The following PRPF6 variants were observed in gnomAD, a reference collection of about 807,000 sequenced individuals.
PRPF6 encodes pre-mRNA processing factor 6.
Under a neutral mutation model 118.3 loss-of-function variants are expected in PRPF6, and 42 were observed. The observed-to-expected ratio is 0.35, with a 90% CI of 0.28 to 0.46. The LOEUF (loss-of-function observed/expected upper bound fraction) is 0.46, where lower values mean the gene tolerates loss of function less well. Among genes scored for constraint, PRPF6 ranks in the 20% least tolerant of loss-of-function variants. The probability of loss-of-function intolerance (pLI) is 1.00; values close to 1 mark genes in which losing one functional copy is unlikely to be tolerated. For missense variants in PRPF6, 662 were observed against 1,255.7 expected (o/e 0.53, Z 7.15); for synonymous variants, 481 against 485.1 (o/e 0.99, Z 0.11).
intron 9 of PRPF6, among the ~76,000 whole-genome samples, chr20:64,004,417 A>G (rs17753550): frequency 0.032 from 4,815 of 152,268 alleles, 90 homozygotes; most frequent in Middle Eastern, 0.075. Flanking sequence ...GCACTGCTTC[A>G]TTTGGTTATT....
At position 64,033,061 on chromosome 20, in the gene PRPF6, T is replaced by C. The variant is rs1021833813; in HGVS notation, c.*68T>C. 1.9e-5 allele frequency: 31 copies of C among 1,598,618 alleles called. No individual in the cohort carries two copies. The African/African-American group carries it at 3.9e-4, about 20-fold the overall frequency. On this transcript the variant is annotated 3_prime_UTR_variant, in exon 21 of 21. Transcript: ENST00000266079. ...CCGCATGTGGAAGGGCTCTGAGCTGTGTCCTCCTTCATTAAAAGTTTTTAT... is the reference window on the plus strand; with the variant it reads ...CCGCATGTGGAAGGGCTCTGAGCTGCGTCCTCCTTCATTAAAAGTTTTTAT...
chr20:64,029,257 C>T lies in PRPF6; in HGVS notation c.2432-120C>T, dbSNP rs1260841660. 1.9e-5 allele frequency: 16 copies of T among 844,388 alleles called. No homozygotes were observed. The highest frequency in any genetic ancestry group is 5.0e-5 in the African/African-American group (3 of 60,318). 52.3% of individuals were successfully genotyped at this position (844,388 alleles called of 1,614,324 possible). A position where few individuals can be genotyped will look rare whatever the true frequency, so the allele number is the denominator to read the frequency against. ...TTCTCCTTGCACAAGTTCTGCGAGCCGTGTGTGGGAGGCCCCTGTCGTGGT... is the reference window on the plus strand; with the variant it reads ...TTCTCCTTGCACAAGTTCTGCGAGCTGTGTGTGGGAGGCCCCTGTCGTGGT... On this transcript the variant is annotated intron_variant, in intron 18 of 20. Transcript: ENST00000266079. This position sits in a 1 kb window ranked among gnomAD's most constrained non-coding sequence, Gnocchi z 4.8.
intron 11 of PRPF6, among the ~76,000 whole-genome samples, chr20:64,016,119 C>G (rs959777715): frequency 6.6e-5 from 10 of 151,490 alleles, no homozygotes; most frequent in African/African-American, 2.2e-4. Flanking sequence ...CCTTGACTCT[C>G]TCTCTTTTTT....
intron 1 of PRPF6, 115 bp downstream of exon 1, chr20:63,981,431 A>C (rs1388904165): frequency 1.4e-5 from 14 of 1,020,178 alleles, no homozygotes; most frequent in Admixed American, 5.0e-5. Context: ...CGCTTGGTGG[A>C]TCGGCTTAAT....
chr20:64,004,845 A>C (rs901776114), intron 9 of PRPF6, among the ~76,000 whole-genome samples: 1 of 152,178 alleles, frequency 6.6e-6, no homozygotes, highest in Non-Finnish European at 1.5e-5. Flanking sequence ...TAGTTAATGC[A>C]GATGTGTGGA....
At chr20:63,982,484 C>T (rs2122966123) in intron 1 of PRPF6, among the ~76,000 whole-genome samples, 1 of 152,238 alleles carries the variant, frequency 6.6e-6, no homozygotes, top group Admixed American at 6.5e-5. Flanking sequence ...ATTTTTTACT[C>T]AGAGCTGTGT....
At chr20:64,030,637 A>G (rs549711545) in intron 19 of PRPF6, among the ~76,000 whole-genome samples, 4 of 152,236 alleles carry the variant, frequency 2.6e-5, no homozygotes, top group Admixed American at 2.6e-4. Context: ...TCTGGGTGAC[A>G]CTCTGATAGT....
chr20:63,989,664 T>C (rs918681137), intron 3 of PRPF6, among the ~76,000 whole-genome samples: 3 of 151,532 alleles, frequency 2.0e-5, no homozygotes, highest in Non-Finnish European at 2.9e-5. Flanking sequence ...TACAGGTGCC[T>C]GCCACCACGC....
At chr20:64,015,560 G>A (rs1244956211) in intron 11 of PRPF6, among the ~76,000 whole-genome samples, 1 of 152,200 alleles carries the variant, frequency 6.6e-6, no homozygotes, top group East Asian at 1.9e-4. Context: ...TGTTGCTCTG[G>A]CTGGGTTATT....
intron 19 of PRPF6, among the ~76,000 whole-genome samples, chr20:64,030,665 T>C (rs1162971616): frequency 1.3e-5 from 2 of 152,206 alleles, no homozygotes; most frequent in Non-Finnish European, 2.9e-5. Flanking sequence ...TAAAACCTTA[T>C]AAAAGGCTTT....
chr20:64,022,706 G>T (rs2059271902), intron 12 of PRPF6, 51 bp from the exon 13 acceptor site: 1 of 1,612,478 alleles, frequency 6.2e-7, no homozygotes, highest in Non-Finnish European at 8.5e-7. Context: ...CATGCCACTT[G>T]TTCTGTGGCC....
rs144552672 is a variant in PRPF6 at position 63,984,001 on chromosome 20, G to A, written c.240+786G>A. On this transcript the variant is annotated intron_variant, in intron 2 of 20. Coordinates refer to ENST00000266079, the MANE Select transcript of PRPF6 (RefSeq NM_012469.4). ...TAAAGTGGAATTGGTGATAGTATTTGCTTTTTTTAGCTTTAGTGATTGCCC... is the reference window on the plus strand; with the variant it reads ...TAAAGTGGAATTGGTGATAGTATTTACTTTTTTTAGCTTTAGTGATTGCCC... Among the ~76,000 whole-genome samples the A allele has an allele frequency of 9.9e-5, 15 of 152,194 alleles. No homozygotes were observed. In the East Asian group the frequency reaches 2.9e-3, roughly 29 times the overall value.
At chr20:63,982,472 G>A (rs958576574) in intron 1 of PRPF6, among the ~76,000 whole-genome samples, 3 of 152,178 alleles carry the variant, frequency 2.0e-5, no homozygotes, top group Admixed American at 1.3e-4. Context: ...GCCCGGCCCA[G>A]AATTTTTTAC....
At chr20:64,010,532 A>G (rs994225664) in intron 10 of PRPF6, among the ~76,000 whole-genome samples, 1 of 152,194 alleles carries the variant, frequency 6.6e-6, no homozygotes, top group Non-Finnish European at 1.5e-5. Flanking sequence ...CTCTTAATGG[A>G]CGTGCAGGGA....
chr20:63,994,158 C>CTTTTTTTTTTTT (rs1158030989), intron 4 of PRPF6, among the ~76,000 whole-genome samples: 1 of 138,382 alleles, frequency 7.2e-6, no homozygotes. Context: ...TTTTCTTTTT[C>CTTTTTTTTTTTT]TTTTTTTTTT....
intron 6 of PRPF6, 87 bp downstream of exon 6, chr20:63,995,569 C>A: frequency 6.7e-7 from 1 of 1,487,722 alleles, no homozygotes; most frequent in East Asian, 2.3e-5. Flanking sequence ...TTCTTCTTCT[C>A]CTTTTTCTTC....
intron 13 of PRPF6, among the ~76,000 whole-genome samples, chr20:64,024,319 C>T (rs376534500): frequency 6.6e-6 from 1 of 152,208 alleles, no homozygotes; most frequent in Non-Finnish European, 1.5e-5. Flanking sequence ...CTCTCCAGCT[C>T]TGCTATTTAA....
At position 64,022,808 on chromosome 20, in the gene PRPF6, C is replaced by T. The variant is rs375934714; in HGVS notation, c.1699C>T (p.Leu567=). The T allele has an allele frequency of 1.9e-6, 3 of 1,614,026 alleles. No homozygotes were observed. In the African/African-American group the frequency reaches 4.0e-5, roughly 22 times the overall value. The change falls in exon 13 of 21, where the codon CTG becomes TTG. Residue 567 remains leucine, a synonymous_variant. Transcript: ENST00000266079. ...TGCACGAGCCATCTACGCCTACGCCCTGCAGGTGTTCCCCAGCAAGAAGAG... is the reference window on the plus strand; with the variant it reads ...TGCACGAGCCATCTACGCCTACGCCTTGCAGGTGTTCCCCAGCAAGAAGAG... ...ECARAIYAYA[L]QVFPSKKSVW...
At chr20:64,009,258 C>T (rs140610609) in intron 9 of PRPF6, among the ~76,000 whole-genome samples, 1,626 of 118,552 alleles carry the variant, frequency 0.014, 30 homozygotes, top group African/African-American at 0.051. Context: ...TCCAGCCTGG[C>T]GACAGAGCGA....
Sources: gnomAD v4.1 joint callset for allele counts (sites outside exome capture counted in the v4.1 genomes callset) on GRCh38, gnomAD v4.1.1 for gene constraint, Gnocchi (gnomAD v3.1) non-coding constraint, MANE v1.5 for transcripts, NCBI Gene and HGNC (gene_info 2026-07-23, HGNC 2026-07-21) for gene names.